Variants in NDST3 observed in about 807,000 individuals in gnomAD.
NDST3 encodes N-deacetylase and N-sulfotransferase 3, also known as bifunctional heparan sulfate N-deacetylase/N-sulfotransferase 3.
NDST3 carries 58 observed loss-of-function variants against 96.1 expected under a neutral mutation model. The observed-to-expected ratio is 0.60, with a 90% CI of 0.49 to 0.75. NDST3 has a LOEUF of 0.75. Among genes scored for constraint, NDST3 ranks in the 30% least tolerant of loss-of-function variants. The pLI is 0.00. For missense variants in NDST3, 788 were observed against 1,034.2 expected (o/e 0.76, Z 3.27); for synonymous variants, 333 against 359.7 (o/e 0.93, Z 0.84).
At chr4:118,082,142 G>A (rs1336994929) in intron 2 of NDST3, among the ~76,000 whole-genome samples, 1 of 152,120 alleles carries the variant, frequency 6.6e-6, no homozygotes, top group African/African-American at 2.4e-5. Flanking sequence ...GCCTTTGGGG[G>A]TGATTATTTT....
intron 6 of NDST3, among the ~76,000 whole-genome samples, chr4:118,168,619 C>T (rs1365185832): frequency 6.6e-6 from 1 of 152,000 alleles, no homozygotes; most frequent in African/African-American, 2.4e-5. Flanking sequence ...ATTTGACTTC[C>T]GGGTATACAT....
In NDST3 at chr4:118,171,553, G is replaced by A. The variant is rs988603893; in HGVS notation, c.1539+27869G>A. Among the ~76,000 whole-genome samples the A allele has an allele frequency of 3.3e-5, 5 of 152,228 alleles. No individual in the cohort carries two copies. In the South Asian group the frequency reaches 1.0e-3, roughly 32 times the overall value. The stretch of plus-strand genomic sequence containing the variant: ...GCTAATGCTGCTTGGTGTTCTGAGC[G>A]ACCTCACTTCCCTGTGGCCCTAGAG... On this transcript the variant is annotated intron_variant, in intron 6 of 13. Coordinates refer to ENST00000296499, the MANE Select transcript of NDST3 (RefSeq NM_004784.3).
intron 5 of NDST3, among the ~76,000 whole-genome samples, chr4:118,141,404 T>A (rs1007096839): frequency 5.3e-5 from 8 of 152,144 alleles, no homozygotes; most frequent in African/African-American, 1.7e-4. Flanking sequence ...GATCATCTCC[T>A]TAGCCTCCTG....
chr4:118,172,318 T>G (rs1432755059), intron 6 of NDST3, among the ~76,000 whole-genome samples: 1 of 152,166 alleles, frequency 6.6e-6, no homozygotes, highest in Non-Finnish European at 1.5e-5. Context: ...AATGTTATGA[T>G]TCCACTTCTA....
chr4:118,244,140 C>T (rs916018187), intron 12 of NDST3, among the ~76,000 whole-genome samples: 21 of 152,244 alleles, frequency 1.4e-4, no homozygotes, highest in African/African-American at 4.8e-4. Context: ...TGTCAATCAT[C>T]AATTGGCCTG....
At chr4:118,120,410 T>C (rs992695993) in intron 4 of NDST3, among the ~76,000 whole-genome samples, 6 of 152,136 alleles carry the variant, frequency 3.9e-5, no homozygotes, top group African/African-American at 1.4e-4. Context: ...GTAAGCAGGC[T>C]CAGGATTGGC....
Position 118,255,449 on chromosome 4 carries a change from G to A in NDST3, c.2503-144G>A, listed in dbSNP as rs1023921776. On this transcript the variant is annotated intron_variant, in intron 13 of 13. Transcript: ENST00000296499. ...CCAAGACTGTCAGTAAAATATCATA[G>A]CATGTGCTAAATAAATAGTCCATAT... 14 of 843,796 alleles carry A rather than the reference G, an allele frequency of 1.7e-5. No homozygotes were observed. In the African/African-American group the frequency reaches 2.5e-4, roughly 15 times the overall value. The allele number at this position is 843,796 out of a possible 1,614,324, so 52.3% of individuals were successfully genotyped here.
At chr4:118,126,533 TAC>T (rs1184647469) in intron 4 of NDST3, among the ~76,000 whole-genome samples, 1 of 11,480 alleles carries the variant, frequency 8.7e-5, no homozygotes, top group East Asian at 2.3e-3. Context: ...TATATATATA[TAC>T]ACATATATAT....
chr4:118,172,959 G>C (rs1331752777), intron 6 of NDST3, among the ~76,000 whole-genome samples: 4 of 151,970 alleles, frequency 2.6e-5, no homozygotes, highest in Non-Finnish European at 5.9e-5. Context: ...ATCAGCAATT[G>C]TACTTCTCGC....
At chr4:118,055,443 T>C (rs1026559504) in intron 2 of NDST3, 2 of 156,808 alleles carry the variant, frequency 1.3e-5, no homozygotes, top group Non-Finnish European at 2.8e-5. Context: ...CATTTAAACA[T>C]GAGGATTTAA....
At chr4:118,188,461 T>A (rs994213592) in intron 6 of NDST3, among the ~76,000 whole-genome samples, 40 of 152,012 alleles carry the variant, frequency 2.6e-4, no homozygotes, top group Admixed American at 2.6e-3. Flanking sequence ...ACATTTAACA[T>A]TGGACTTATG....
intron 3 of NDST3, among the ~76,000 whole-genome samples, chr4:118,113,125 C>A (rs1445692624): frequency 6.6e-6 from 1 of 151,998 alleles, no homozygotes; most frequent in African/African-American, 2.4e-5. Context: ...TACCTCCCCC[C>A]AAAAATAAAA....
intron 1 of NDST3, among the ~76,000 whole-genome samples, chr4:118,052,674 T>C (rs555701687): frequency 1.3e-5 from 2 of 152,068 alleles, no homozygotes; most frequent in East Asian, 1.9e-4. Flanking sequence ...AAAATATTGT[T>C]CAGTTGACAG....
intron 4 of NDST3, among the ~76,000 whole-genome samples, chr4:118,135,660 T>C (rs920418066): frequency 1.3e-5 from 2 of 152,048 alleles, no homozygotes; most frequent in Non-Finnish European, 2.9e-5. Flanking sequence ...GCCAGATACG[T>C]CTGATTCCAG....
chr4:118,052,173 A>G (rs1725116772), intron 1 of NDST3, among the ~76,000 whole-genome samples: 1 of 152,126 alleles, frequency 6.6e-6, no homozygotes, highest in African/African-American at 2.4e-5. Context: ...AAAATGTGGT[A>G]CAAATACACC....
At chr4:118,056,320 A>G (rs1285490932) in intron 2 of NDST3, among the ~76,000 whole-genome samples, 1 of 151,980 alleles carries the variant, frequency 6.6e-6, no homozygotes, top group Non-Finnish European at 1.5e-5. Flanking sequence ...ATTATACAAA[A>G]TACAAAATGC....
intron 6 of NDST3, among the ~76,000 whole-genome samples, chr4:118,224,041 G>A (rs1739713821): frequency 6.6e-6 from 1 of 152,032 alleles, no homozygotes; most frequent in Non-Finnish European, 1.5e-5. Context: ...TTCAATGCAT[G>A]GATTCAATCT....
At chr4:118,106,742 G>A (rs1730215505) in intron 3 of NDST3, among the ~76,000 whole-genome samples, 1 of 152,008 alleles carries the variant, frequency 6.6e-6, no homozygotes, top group Non-Finnish European at 1.5e-5. Context: ...AGTAAACTAT[G>A]TTCATGCCAC....
chr4:118,118,239 G>A (rs975216544), intron 4 of NDST3, among the ~76,000 whole-genome samples: 1 of 152,206 alleles, frequency 6.6e-6, no homozygotes, highest in Non-Finnish European at 1.5e-5. Context: ...ATTTTAAAAT[G>A]AGTGTTGGTA....
Sources: gnomAD v4.1 joint callset for allele counts (sites outside exome capture counted in the v4.1 genomes callset) on GRCh38, gnomAD v4.1.1 for gene constraint, MANE v1.5 for transcripts, NCBI Gene and HGNC (gene_info 2026-07-23, HGNC 2026-07-21) for gene names.